RNGTT: variants seen among roughly 807,000 people sequenced by gnomAD.
RNGTT encodes the protein RNA guanylyltransferase and 5'-phosphatase.
A neutral mutation model predicts 79.3 loss-of-function variants in RNGTT; 33 were observed. The observed-to-expected ratio is 0.42, with a 90% confidence interval of 0.32 to 0.56. The LOEUF (loss-of-function observed/expected upper bound fraction) is 0.56, where lower values mean the gene tolerates loss of function less well. RNGTT is among the 20% of genes least tolerant of loss of function. The probability of loss-of-function intolerance (pLI) is 0.17; values close to 1 mark genes in which losing one functional copy is unlikely to be tolerated. For missense variants in RNGTT, 497 were observed against 739.1 expected (o/e 0.67, Z 3.80); for synonymous variants, 222 against 235.9 (o/e 0.94, Z 0.54).
At chr6:88,916,193 C>G (rs1462132596) in intron 4 of RNGTT, among the ~76,000 whole-genome samples, 1 of 152,200 alleles carries the variant, frequency 6.6e-6, no homozygotes, top group Non-Finnish European at 1.5e-5. Flanking sequence ...ACCTCAGATT[C>G]TTCCAGGCAG....
intron 12 of RNGTT, among the ~76,000 whole-genome samples, chr6:88,777,445 T>C (rs973656264): frequency 6.6e-6 from 1 of 152,350 alleles, no homozygotes; most frequent in South Asian, 2.1e-4. Flanking sequence ...AGTATGGACA[T>C]CTTAACAATG....
At chr6:88,731,303 A>G (rs1777107337) in intron 13 of RNGTT, among the ~76,000 whole-genome samples, 1 of 152,238 alleles carries the variant, frequency 6.6e-6, no homozygotes, top group South Asian at 2.1e-4. Context: ...CTAAAGGCCA[A>G]TCTACTTCAC....
intron 11 of RNGTT, 148 bp downstream of exon 11, chr6:88,844,209 C>T: frequency 4.8e-6 from 3 of 625,290 alleles, no homozygotes; most frequent in Non-Finnish European, 5.3e-6. Flanking sequence ...GGAGTCGTAC[C>T]ATGTTTGGCC....
chr6:88,683,560 T>G (rs2127792140), intron 13 of RNGTT, among the ~76,000 whole-genome samples: 1 of 152,310 alleles, frequency 6.6e-6, no homozygotes, highest in Admixed American at 6.5e-5. Context: ...CCAATTAATT[T>G]TATAAAGTTA....
At position 88,963,475 on chromosome 6, in the gene RNGTT, C is replaced by A; in HGVS notation, c.-66G>T. 1 of 1,469,108 alleles carries A rather than the reference C, an allele frequency of 6.8e-7. No homozygotes were observed. Among genetic ancestry groups the A allele is most frequent in the Non-Finnish European group, 9.1e-7 (1 of 1,097,634 alleles). 91.0% of individuals were successfully genotyped at this position (1,469,108 alleles called of 1,614,324 possible). A position where few individuals can be genotyped will look rare whatever the true frequency, so the allele number is the denominator to read the frequency against. On this transcript the variant is annotated 5_prime_UTR_variant, in exon 1 of 16. Transcript: ENST00000369485. ...CACCGCGCCTTTGGAGCCGCCTCCC[C>A]GTGGTCCGGTGCACACCGGGGTCCG... is the stretch of plus-strand genomic sequence containing the variant.
chr6:88,963,377 C>A lies in RNGTT; in HGVS notation c.33G>T (p.Leu11=), dbSNP rs777395020. 8.6e-5 allele frequency: 138 copies of A among 1,610,458 alleles called. No individual in the cohort carries two copies. Among genetic ancestry groups the A allele is most frequent in the Non-Finnish European group, 1.1e-4 (134 of 1,178,464 alleles). MAHNKIPPRW[L]NCPRRGQPVA... The stretch of plus-strand genomic sequence containing the variant: ...CCGGCTGGCCGCGCCGGGGACAGTT[C>A]AGCCACCGCGGCGGGATCTTGTTGT... The change falls in exon 1 of 16, where the codon CTG becomes CTT. Residue 11 remains leucine (L), a synonymous_variant. Transcript: ENST00000369485.
intron 14 of RNGTT, among the ~76,000 whole-genome samples, chr6:88,630,920 C>A (rs548163044): frequency 2.6e-5 from 4 of 152,244 alleles, no homozygotes; most frequent in Admixed American, 2.6e-4. Context: ...AAAAGCACTT[C>A]AATTGAACAT....
chr6:88,625,158 A>G (rs1270828171), intron 14 of RNGTT, among the ~76,000 whole-genome samples: 1 of 151,964 alleles, frequency 6.6e-6, no homozygotes, highest in African/African-American at 2.4e-5. Flanking sequence ...CATGTTGGAA[A>G]ACAGTTTGGC....
intron 8 of RNGTT, among the ~76,000 whole-genome samples, chr6:88,861,014 A>T (rs1319429716): frequency 1.7e-4 from 26 of 152,120 alleles, no homozygotes; most frequent in Non-Finnish European, 2.9e-5. Flanking sequence ...GAGACACACC[A>T]TCTATTTACC....
intron 2 of RNGTT, among the ~76,000 whole-genome samples, chr6:88,931,050 T>C (rs1367503585): frequency 6.6e-6 from 1 of 152,094 alleles, no homozygotes; most frequent in Non-Finnish European, 1.5e-5. Flanking sequence ...AATCCTAATA[T>C]GAAAATCCAA....
chr6:88,873,880 T>C (rs957561511), intron 8 of RNGTT, among the ~76,000 whole-genome samples: 3 of 152,180 alleles, frequency 2.0e-5, no homozygotes, highest in East Asian at 3.8e-4. Flanking sequence ...TAGTAAGATA[T>C]AGACATACTC....
At chr6:88,895,887 A>G (rs1783229580) in intron 6 of RNGTT, among the ~76,000 whole-genome samples, 1 of 151,980 alleles carries the variant, frequency 6.6e-6, no homozygotes, top group Non-Finnish European at 1.5e-5. Flanking sequence ...TCCTTGGTTC[A>G]TCTTATCAAT....
chr6:88,808,454 C>T (rs1033841852), intron 11 of RNGTT, among the ~76,000 whole-genome samples: 2 of 151,638 alleles, frequency 1.3e-5, no homozygotes, highest in South Asian at 4.2e-4. Flanking sequence ...GATGGCAAGA[C>T]AAAAGGAAAA....
At chr6:88,691,252 G>A (rs1222302181) in intron 13 of RNGTT, among the ~76,000 whole-genome samples, 4 of 152,064 alleles carry the variant, frequency 2.6e-5, no homozygotes, top group Admixed American at 6.6e-5. Flanking sequence ...CTCCTGCTCT[G>A]GCCATGTAAG....
intron 13 of RNGTT, among the ~76,000 whole-genome samples, chr6:88,706,086 T>C (rs777810358): frequency 2.6e-5 from 4 of 152,058 alleles, no homozygotes; most frequent in Non-Finnish European, 5.9e-5. Context: ...CCAATATTCC[T>C]TGAGTCCAAA....
Position 88,876,058 on chromosome 6 carries a change from T to G in RNGTT, c.896+14437A>C, listed in dbSNP as rs912639250. Among the ~76,000 whole-genome samples, 4 of 151,774 alleles carry G rather than the reference T, an allele frequency of 2.6e-5. 1 individual carries two copies. In the South Asian group the frequency reaches 8.3e-4, roughly 32 times the overall value. On this transcript the variant is annotated intron_variant, in intron 8 of 15. Coordinates refer to ENST00000369485, the MANE Select transcript of RNGTT (RefSeq NM_003800.5). Reference sequence around the variant, plus strand: ...TAAGTAATACTATTTTTGTCAAAATTTATGCAAAGATGGGTATAAGAAGAT... The same window carrying G: ...TAAGTAATACTATTTTTGTCAAAATGTATGCAAAGATGGGTATAAGAAGAT...
At chr6:88,761,018 TACAC>T (rs59719740) in intron 13 of RNGTT, among the ~76,000 whole-genome samples, 4,144 of 131,138 alleles carry the variant, frequency 0.032, 175 homozygotes, top group African/African-American at 0.095. Context: ...GCAAAAGAAA[TACAC>T]ACACACACAC....
At chr6:88,839,894 G>C (rs543193481) in intron 11 of RNGTT, among the ~76,000 whole-genome samples, 1 of 152,176 alleles carries the variant, frequency 6.6e-6, no homozygotes, top group Non-Finnish European at 1.5e-5. Context: ...GTTAAAAACT[G>C]AACAATTATC....
chr6:88,658,591 A>G (rs1774068223), intron 14 of RNGTT, among the ~76,000 whole-genome samples: 2 of 152,310 alleles, frequency 1.3e-5, no homozygotes, highest in South Asian at 4.1e-4. Flanking sequence ...GGATTGAAGG[A>G]TGCAAAGTAT....
Sources: allele counts gnomAD v4.1 joint callset (sites outside exome capture counted in the v4.1 genomes callset), GRCh38; gene constraint gnomAD v4.1.1; transcripts MANE v1.5; gene names NCBI Gene and HGNC (gene_info 2026-07-23, HGNC 2026-07-21).